ADGRV1: variants seen among roughly 807,000 people sequenced by gnomAD.
ADGRV1 encodes the protein G-protein coupled receptor 98.
A neutral mutation model predicts 596.2 loss-of-function variants in ADGRV1; 359 were observed. That is an observed-to-expected ratio of 0.60 (90% CI 0.55 to 0.66). ADGRV1 has a LOEUF of 0.66. Ranked by LOEUF, ADGRV1 falls within the 30% of genes least tolerant of loss-of-function variation. ADGRV1 has a pLI of 0.00. For missense variants in ADGRV1, 7,274 were observed against 7,575.6 expected, an observed-to-expected ratio of 0.96 and a Z score of 1.48; for synonymous variants, 2,681 against 2,679.2, an observed-to-expected ratio of 1.00 and a Z score of -0.02.
intron 85 of ADGRV1, among the ~76,000 whole-genome samples, chr5:91,037,130 C>A (rs1784977838): frequency 6.6e-6 from 1 of 152,168 alleles, no homozygotes; most frequent in Non-Finnish European, 1.5e-5. Context: ...GCAGGCAACA[C>A]AAAGGAGCCC....
At chr5:90,674,399 T>A (rs1343045022) in intron 23 of ADGRV1, 165 bp downstream of exon 23, 1 of 424,652 alleles carries the variant, frequency 2.4e-6, no homozygotes, top group African/African-American at 2.0e-5. Context: ...GAGACATTGT[T>A]TATGAGAGAA....
At chr5:90,788,358 A>G (rs1262122759) in intron 68 of ADGRV1, 48 bp downstream of exon 68, 6 of 1,509,874 alleles carry the variant, frequency 4.0e-6, no homozygotes, top group African/African-American at 2.8e-5. Flanking sequence ...TCATGGATTT[A>G]TCAGAAAATA....
intron 83 of ADGRV1, among the ~76,000 whole-genome samples, chr5:90,945,917 G>T (rs924876221): frequency 6.6e-6 from 1 of 152,106 alleles, no homozygotes; most frequent in Non-Finnish European, 1.5e-5. Context: ...GGTAGAGGTT[G>T]CAGTGAGACA....
chr5:91,070,014 A>C (rs1279754743), intron 85 of ADGRV1, among the ~76,000 whole-genome samples: 2 of 152,142 alleles, frequency 1.3e-5, no homozygotes, highest in Non-Finnish European at 2.9e-5. Flanking sequence ...GGAACAAAAA[A>C]CCAAATACCA....
chr5:91,133,428 C>A (rs951673094), intron 87 of ADGRV1, among the ~76,000 whole-genome samples: 2 of 152,186 alleles, frequency 1.3e-5, no homozygotes, highest in Non-Finnish European at 2.9e-5. Flanking sequence ...CTGGTCCCAC[C>A]CTGGACTTTG....
chr5:90,974,750 G>A lies in ADGRV1; in HGVS notation c.17973+9219G>A, dbSNP rs1779399251. 2.0e-5 allele frequency among the ~76,000 whole-genome samples: 3 copies of A among 152,142 alleles called. No homozygotes were observed. In the South Asian group the frequency reaches 6.2e-4, roughly 31 times the overall value. On this transcript the variant is annotated intron_variant, in intron 84 of 89. Transcript: ENST00000405460. ...TAGACCTAAAACCATAAAAACCCTAGAAGAAAACCTAGGCAATACCATTCA... is the reference window on the plus strand; with the variant it reads ...TAGACCTAAAACCATAAAAACCCTAAAAGAAAACCTAGGCAATACCATTCA...
intron 89 of ADGRV1, among the ~76,000 whole-genome samples, chr5:91,159,328 T>C (rs904333028): frequency 2.6e-5 from 4 of 152,210 alleles, no homozygotes; most frequent in Non-Finnish European, 1.5e-5. Context: ...TGAATTCTGA[T>C]GTGGGCAAGA....
At position 90,790,898 on chromosome 5, in the gene ADGRV1, T is replaced by C. The variant is rs760733336; in HGVS notation, c.14069T>C (p.Phe4690Ser). The change falls in exon 70 of 90, where the codon TTT becomes TCT. Residue 4690 changes from phenylalanine to serine, a missense_variant. Phe to Ser is a radical substitution (Grantham distance 155). Around this residue, in one of 5 missense-constraint regions of ADGRV1, gnomAD observed 1,874 missense variants for 1,970.2 expected, o/e 0.95. Coordinates refer to ENST00000405460, the MANE Select transcript of ADGRV1 (RefSeq NM_032119.4). ...IMVYWELSSE[F>S]DITEDFLSTS... ...GTTTACTGGGAATTAAGTAGTGAGT[T>C]TGACATTACTGAAGACTTTCTTTCC... 1.2e-6 allele frequency: 2 copies of C among 1,610,544 alleles called. No homozygotes were observed. The highest frequency in any genetic ancestry group is 1.7e-6 in the Non-Finnish European group (2 of 1,178,962).
At chr5:90,592,078 T>C (rs1020342171) in intron 1 of ADGRV1, among the ~76,000 whole-genome samples, 1 of 152,200 alleles carries the variant, frequency 6.6e-6, no homozygotes, top group African/African-American at 2.4e-5. Flanking sequence ...TCCTTAAAAG[T>C]AGATCTGCCA....
chr5:90,798,471 A>G (rs921086423), intron 70 of ADGRV1, among the ~76,000 whole-genome samples: 2 of 152,190 alleles, frequency 1.3e-5, no homozygotes, highest in African/African-American at 2.4e-5. Context: ...GCCAAGACGG[A>G]TACACCGCCG....
At chr5:90,665,798 AT>A (rs1297722590) in intron 21 of ADGRV1, among the ~76,000 whole-genome samples, 6 of 150,598 alleles carry the variant, frequency 4.0e-5, no homozygotes, top group Non-Finnish European at 8.9e-5. Context: ...CGTCCCAGAG[AT>A]TCTGGTATGT....
intron 21 of ADGRV1, among the ~76,000 whole-genome samples, chr5:90,667,884 G>C (rs1306547327): frequency 1.3e-5 from 2 of 152,034 alleles, no homozygotes; most frequent in South Asian, 2.1e-4. Context: ...AGGTGTCAGT[G>C]TGCCCCTGTT....
At chr5:91,114,875 G>A (rs10942625) in intron 87 of ADGRV1, among the ~76,000 whole-genome samples, 80,000 of 151,932 alleles carry the variant, frequency 0.53, 23,229 homozygotes, top group Non-Finnish European at 0.64. Flanking sequence ...TGGAATCGTG[G>A]CCCCTCAAGT....
chr5:90,782,521 T>C (rs141626162), intron 65 of ADGRV1, among the ~76,000 whole-genome samples: 1 of 152,264 alleles, frequency 6.6e-6, no homozygotes, highest in East Asian at 1.9e-4. Context: ...TAAATTATAT[T>C]TTAATATGCA....
chr5:90,668,738 G>T (rs1223702022), intron 21 of ADGRV1, among the ~76,000 whole-genome samples: 1 of 152,062 alleles, frequency 6.6e-6, no homozygotes, highest in Non-Finnish European at 1.5e-5. Context: ...TCTATAAAGT[G>T]TTGATATATA....
At chr5:90,972,755 G>A (rs147473526) in intron 84 of ADGRV1, among the ~76,000 whole-genome samples, 1,619 of 152,154 alleles carry the variant, frequency 0.011, 14 homozygotes, top group Non-Finnish European at 0.018. Context: ...AAGCAGGAAC[G>A]ATCTAAAATT....
intron 52 of ADGRV1, among the ~76,000 whole-genome samples, chr5:90,746,216 A>C (rs1313368431): frequency 1.8e-5 from 2 of 108,152 alleles, no homozygotes; most frequent in Admixed American, 2.5e-4. Context: ...TTCTGTGGAG[A>C]GGGGAAGAGA....
chr5:90,702,698 G>T (rs1466048332), intron 34 of ADGRV1, among the ~76,000 whole-genome samples: 1 of 151,920 alleles, frequency 6.6e-6, no homozygotes, highest in East Asian at 1.9e-4. Flanking sequence ...ATACACAAAA[G>T]TTACTTGGAT....
At chr5:90,676,019 A>G (rs1580698905) in intron 24 of ADGRV1, 61 bp from the exon 25 acceptor site, 4 of 1,322,706 alleles carry the variant, frequency 3.0e-6, no homozygotes, top group East Asian at 5.0e-5. Context: ...GTACAGAATG[A>G]TTGTAATCTA....
Sources: allele counts gnomAD v4.1 joint callset (sites outside exome capture counted in the v4.1 genomes callset), GRCh38; gene constraint gnomAD v4.1.1; regional missense constraint gnomAD v4.1.1; transcripts MANE v1.5; gene names NCBI Gene and HGNC (gene_info 2026-07-23, HGNC 2026-07-21).